ARSG: variants seen among roughly 807,000 people sequenced by gnomAD.
ARSG encodes arylsulfatase G.
ARSG carries 37 observed loss-of-function variants against 50.5 expected under a neutral mutation model. The observed-to-expected ratio is 0.73, with a 90% CI of 0.56 to 0.96. The LOEUF is 0.96. Ranked by LOEUF, ARSG falls within the 50% of genes least tolerant of loss-of-function variation. ARSG has a pLI of 0.00. For synonymous variants in ARSG, 225 were observed against 254.6 expected (o/e 0.88, Z 1.11); for missense variants, 629 against 675.3 (o/e 0.93, Z 0.76).
At chr17:68,309,547 AG>A (rs1281167221) in intron 2 of ARSG, among the ~76,000 whole-genome samples, 1 of 152,228 alleles carries the variant, frequency 6.6e-6, no homozygotes, top group African/African-American at 2.4e-5. Context: ...TGTGGGTCAC[AG>A]AGCGAGACTC....
chr17:68,412,727 G>A (rs984129162), intron 11 of ARSG, among the ~76,000 whole-genome samples: 2 of 152,070 alleles, frequency 1.3e-5, no homozygotes, highest in African/African-American at 2.4e-5. Flanking sequence ...TTCCAACTTG[G>A]TTCCATTCTC....
rs201612990 is a variant in ARSG at position 68,343,682 on chromosome 17, C to T, written c.297C>T (p.Arg99=). ...TGCTCACCGGCCGGCTTGGCCTTCG[C>T]AATGGAGTCACACGCAACTTTGCAG... is the stretch of plus-strand genomic sequence containing the variant. The part of the protein sequence containing the change: ...ASLLTGRLGL[R]NGVTRNFAVT... Residue 99 remains arginine, a synonymous_variant, in exon 3 of 12, where the codon CGC becomes CGT. Coordinates refer to ENST00000621439, the MANE Select transcript of ARSG (RefSeq NM_001267727.2). 1 of 1,614,204 alleles carries T rather than the reference C, an allele frequency of 6.2e-7. No individual in the cohort carries two copies. Among genetic ancestry groups the T allele is most frequent in the African/African-American group, 1.3e-5 (1 of 75,060 alleles).
At chr17:68,419,796 GA>G (rs34363131) in intron 11 of ARSG, among the ~76,000 whole-genome samples, 178 of 137,214 alleles carry the variant, frequency 1.3e-3, no homozygotes, top group Admixed American at 1.5e-3. Context: ...CCTGTCTCTG[GA>G]AAAAAAAAAA....
At chr17:68,299,553 G>A (rs1269446192) in intron 1 of ARSG, among the ~76,000 whole-genome samples, 1 of 151,646 alleles carries the variant, frequency 6.6e-6, no homozygotes, top group Non-Finnish European at 1.5e-5. Flanking sequence ...CCAGGAAAAC[G>A]GGTCCAGGGA....
chr17:68,429,647 G>A, the ARSG span, among the ~76,000 whole-genome samples: 1 of 152,118 alleles, frequency 6.6e-6, no homozygotes, highest in Non-Finnish European at 1.5e-5. Context: ...GGAGTGCAGT[G>A]GCATGATCTC....
chr17:68,329,539 C>T (rs1162364947), intron 2 of ARSG, among the ~76,000 whole-genome samples: 2 of 152,162 alleles, frequency 1.3e-5, no homozygotes, highest in Non-Finnish European at 2.9e-5. Context: ...CACTGGCTGC[C>T]CCAGGGGCTG....
At chr17:68,341,880 C>T (rs932491467) in intron 2 of ARSG, among the ~76,000 whole-genome samples, 1 of 152,032 alleles carries the variant, frequency 6.6e-6, no homozygotes, top group Admixed American at 6.5e-5. Flanking sequence ...AGTGCAGTGA[C>T]GCGATCTTGG....
chr17:68,367,700 T>C lies in ARSG; in HGVS notation c.705-848T>C, dbSNP rs1331241208. ...AACAAGGCCTCTGACAGATCCCTGA[T>C]CTAGATGTTACCTGGTGGTCATATG... On this transcript the variant is annotated intron_variant, in intron 6 of 11. Transcript: ENST00000621439. The surrounding 1 kb of genome is among the most constrained non-coding windows in gnomAD (Gnocchi z 4.5). 6.6e-6 allele frequency among the ~76,000 whole-genome samples: 1 copy of C among 152,182 alleles called. No homozygotes were observed. Among genetic ancestry groups the C allele is most frequent in the Non-Finnish European group, 1.5e-5 (1 of 68,048 alleles).
intron 1 of ARSG, chr17:68,273,878 C>A: frequency 6.3e-7 from 1 of 1,587,456 alleles, no homozygotes. Context: ...CTTCCTTGTT[C>A]TTCAAACTAA....
chr17:68,425,739 A>G (rs2083126010), downstream of ARSG, among the ~76,000 whole-genome samples: 1 of 152,172 alleles, frequency 6.6e-6, no homozygotes, highest in Non-Finnish European at 1.5e-5. Context: ...GTTTTAGACA[A>G]GTCACGTGTT....
At chr17:68,298,219 C>T (rs1276547835) in intron 1 of ARSG, among the ~76,000 whole-genome samples, 2 of 152,130 alleles carry the variant, frequency 1.3e-5, no homozygotes, top group African/African-American at 2.4e-5. Context: ...GGTCTTACCC[C>T]TATTTCTGCC....
At position 68,366,673 on chromosome 17, in the gene ARSG, A is replaced by ATGTGTGTGTGTGTGTG. The variant is rs555888280; in HGVS notation, c.705-1872_705-1871insGTGTGTGTGTGTGTGT. 1.8e-3 allele frequency among the ~76,000 whole-genome samples: 247 copies of ATGTGTGTGTGTGTGTG among 134,996 alleles called. 3 individuals carry two copies. The highest frequency in any genetic ancestry group is 7.0e-3 in the Middle Eastern group (2 of 284). 88.6% of individuals were successfully genotyped at this position (134,996 alleles called of 152,430 possible). On this transcript the variant is annotated intron_variant, in intron 6 of 11. Transcript: ENST00000621439. ...GCATTTGAAATGTGGCTAGGAATTT[A>ATGTGTGTGTGTGTGTG]TGTATGTGTGTGTGTGTGTGTGTGT...
chr17:68,371,193 G>A (rs985590317), intron 8 of ARSG, among the ~76,000 whole-genome samples: 15 of 151,868 alleles, frequency 9.9e-5, no homozygotes, highest in East Asian at 3.9e-4. Context: ...GGTGGCGGGC[G>A]CCTGTAGTCC....
chr17:68,398,308 C>T (rs899564760), intron 10 of ARSG, among the ~76,000 whole-genome samples: 2 of 152,174 alleles, frequency 1.3e-5, no homozygotes, highest in Non-Finnish European at 2.9e-5. Flanking sequence ...CATGCACACA[C>T]ATACATGTAT....
intron 6 of ARSG, chr17:68,359,806 A>T (rs953217449): frequency 1.3e-5 from 2 of 152,248 alleles, no homozygotes; most frequent in Admixed American, 1.3e-4. Flanking sequence ...TAAGGGCTTC[A>T]GAAATTGCAT....
At chr17:68,434,482 C>A in the ARSG span, 1 of 1,525,866 alleles carries the variant, frequency 6.6e-7, no homozygotes, top group South Asian at 1.2e-5. Flanking sequence ...TCTGTCCTCT[C>A]CCTAGACAGC....
At chr17:68,266,950 G>T (rs1447831133) in intron 1 of ARSG, 1 of 152,158 alleles carries the variant, frequency 6.6e-6, no homozygotes, top group Non-Finnish European at 1.5e-5. Context: ...TGAATCTTTG[G>T]TGAGTTTTTA....
intron 1 of ARSG, among the ~76,000 whole-genome samples, chr17:68,285,355 A>G (rs1448223211): frequency 6.6e-6 from 1 of 152,232 alleles, no homozygotes; most frequent in Non-Finnish European, 1.5e-5. Flanking sequence ...TGGCACGATC[A>G]TAGCTCACTG....
At chr17:68,396,031 T>C (rs1441739357) in intron 10 of ARSG, among the ~76,000 whole-genome samples, 1 of 148,116 alleles carries the variant, frequency 6.8e-6, no homozygotes, top group Non-Finnish European at 1.5e-5. Context: ...TTTTTTGAGA[T>C]GGAGTCTTGC....
Sources: allele counts gnomAD v4.1 joint callset (sites outside exome capture counted in the v4.1 genomes callset), GRCh38; gene constraint gnomAD v4.1.1; non-coding constraint Gnocchi (gnomAD v3.1); transcripts MANE v1.5; gene names NCBI Gene and HGNC (gene_info 2026-07-23, HGNC 2026-07-21).